Variants in TCAF1 observed in about 807,000 individuals in gnomAD.
The protein encoded by TCAF1 is TRPM8 channel-associated factor 1.
TCAF1 carries 4 observed loss-of-function variants against 27.3 expected under a neutral mutation model. The observed-to-expected ratio is 0.15, with a 90% CI of 0.07 to 0.34. TCAF1 has a LOEUF of 0.34. TCAF1 is among the 10% of genes least tolerant of loss of function. The pLI is 1.00. For missense variants in TCAF1, 257 were observed against 425.8 expected, an observed-to-expected ratio of 0.60 and a Z score of 3.49; for synonymous variants, 105 against 167.1, an observed-to-expected ratio of 0.63 and a Z score of 2.87.
chr7:143,885,239 T>C (rs1033322988), intron 1 of TCAF1: 38 of 985,558 alleles, frequency 3.9e-5, no homozygotes, highest in Non-Finnish European at 4.5e-5. Context: ...CACACCAGGC[T>C]ACTTTGGAGT....
chr7:143,886,712 T>TG (rs1394965604), intron 1 of TCAF1, among the ~76,000 whole-genome samples: 16 of 146,162 alleles, frequency 1.1e-4, no homozygotes, highest in Non-Finnish European at 2.3e-4. Flanking sequence ...TTTTTTTTTT[T>TG]TTTTTTTTTT....
At chr7:143,892,367 T>C (rs1813675090) in intron 1 of TCAF1, among the ~76,000 whole-genome samples, 1 of 151,986 alleles carries the variant, frequency 6.6e-6, no homozygotes, top group African/African-American at 2.4e-5. Context: ...TGAACTGTAA[T>C]ATCTAAAGTA....
chr7:143,886,866 A>ATTT (rs56317170), intron 1 of TCAF1, among the ~76,000 whole-genome samples: 4 of 114,894 alleles, frequency 3.5e-5, no homozygotes, highest in Non-Finnish European at 7.4e-5. Flanking sequence ...GAGTTTTTGT[A>ATTT]TTTTTTTTTT....
chr7:143,886,518 G>A, intron 1 of TCAF1: 1 of 985,032 alleles, frequency 1.0e-6, no homozygotes, highest in Non-Finnish European at 1.2e-6. Context: ...TCACAAACAG[G>A]TGCTCTGTAA....
At chr7:143,884,691 G>A (rs949552018) in intron 1 of TCAF1, among the ~76,000 whole-genome samples, 1 of 149,492 alleles carries the variant, frequency 6.7e-6, no homozygotes, top group Non-Finnish European at 1.5e-5. Flanking sequence ...TCTCAGGATG[G>A]GGGCATGAGA....
At chr7:143,879,117 T>C (rs1368463397) in intron 1 of TCAF1, among the ~76,000 whole-genome samples, 3 of 152,146 alleles carry the variant, frequency 2.0e-5, no homozygotes, top group Non-Finnish European at 2.9e-5. Context: ...ACATGCCCTG[T>C]TTTCATTTTA....
intron 1 of TCAF1, among the ~76,000 whole-genome samples, chr7:143,896,599 A>G (rs779236995): frequency 2.9e-4 from 44 of 152,228 alleles, no homozygotes; most frequent in Non-Finnish European, 5.3e-4. Flanking sequence ...GCACTATGCA[A>G]TCTCTGACTA....
At chr7:143,886,414 AT>A in intron 1 of TCAF1, 1 of 731,600 alleles carries the variant, frequency 1.4e-6, no homozygotes, top group Non-Finnish European at 1.7e-6. Context: ...ACGACATCCC[AT>A]ATAAATTAAG....
intron 1 of TCAF1, among the ~76,000 whole-genome samples, chr7:143,887,624 T>C (rs1245224422): frequency 6.6e-6 from 1 of 152,182 alleles, no homozygotes; most frequent in Non-Finnish European, 1.5e-5. Context: ...CCATCCAAGG[T>C]AGTCTAAAAC....
chr7:143,897,259 A>G (rs950347593), intron 1 of TCAF1, among the ~76,000 whole-genome samples: 5 of 148,566 alleles, frequency 3.4e-5, no homozygotes, highest in Non-Finnish European at 6.0e-5. Flanking sequence ...GCCACCCCCA[A>G]AGACAGCAAC....
chr7:143,859,862 T>TACATATATATATATATATATATAC (rs377600497), intron 6 of TCAF1, among the ~76,000 whole-genome samples: 2 of 64,720 alleles, frequency 3.1e-5, no homozygotes, highest in African/African-American at 7.2e-5. Context: ...CTGTTTTATA[T>TACATATATATATATATATATATAC]ACACATATAC....
Position 143,876,010 on chromosome 7 carries a change from G to A in TCAF1, c.599C>T (p.Pro200Leu). 1 of 1,559,478 alleles carries A rather than the reference G, an allele frequency of 6.4e-7. No individual in the cohort carries two copies. The change falls in exon 2 of 9, where the codon CCC (proline) becomes CTC (leucine). Residue 200 changes from proline to leucine, a missense_variant. This residue lies in a region of TCAF1 where 255 missense variants were observed against 260.1 expected (regional missense o/e 0.98). Transcript: ENST00000479870. ...TSFFKVSKKMPKIPVLVSCED... is the reference protein window; with the variant it reads ...TSFFKVSKKMLKIPVLVSCED... ...TCACCTAACCAACACTGGGATCTTG[G>A]GCATCTTCTTGGAGACTTTAAAGAA...
chr7:143,883,984 T>C (rs980456797), intron 1 of TCAF1, among the ~76,000 whole-genome samples: 2 of 152,128 alleles, frequency 1.3e-5, no homozygotes, highest in Admixed American at 6.5e-5. Context: ...ACGGTGTGAC[T>C]TTGGGGAAGT....
chr7:143,876,324 GT>G lies in TCAF1; in HGVS notation c.284del (p.His95ProfsTer24). ...CSSPGAPIGV[H>X]PSLAPLAKIL... ...TTTTGGCCAAAGGTGCCAGGGATGG[GT>G]GTACACCAATGGGAGCCCCAGGGGA... On this transcript the variant is annotated frameshift_variant, in exon 2 of 9. Transcript: ENST00000479870. LOFTEE classifies it high-confidence loss of function. The G allele has an allele frequency of 6.2e-7, 1 of 1,614,206 alleles. No individual in the cohort carries two copies. Among genetic ancestry groups the G allele is most frequent in the Non-Finnish European group, 8.5e-7 (1 of 1,180,050 alleles).
intron 1 of TCAF1, among the ~76,000 whole-genome samples, chr7:143,901,721 C>T (rs916735188): frequency 1.3e-5 from 2 of 152,196 alleles, no homozygotes; most frequent in African/African-American, 2.4e-5. Flanking sequence ...AAAAACAAAT[C>T]CTACGAAAAT....
intron 1 of TCAF1, among the ~76,000 whole-genome samples, chr7:143,881,671 T>C (rs1263168137): frequency 2.6e-5 from 4 of 152,148 alleles, no homozygotes; most frequent in Non-Finnish European, 5.9e-5. Flanking sequence ...TTTACCACCA[T>C]CTTTGAAGCC....
At chr7:143,860,012 A>AAT (rs1563212104) in intron 6 of TCAF1, among the ~76,000 whole-genome samples, 196 bp downstream of exon 6, 2 of 14,840 alleles carry the variant, frequency 1.3e-4, no homozygotes, top group Non-Finnish European at 3.2e-4. Context: ...ATATATATAT[A>AAT]ATATATATTA....
chr7:143,880,821 T>C (rs1284237916), intron 1 of TCAF1, among the ~76,000 whole-genome samples: 1 of 152,206 alleles, frequency 6.6e-6, no homozygotes, highest in African/African-American at 2.4e-5. Context: ...ATCACTTGAC[T>C]TTTGAACCAA....
intron 2 of TCAF1, among the ~76,000 whole-genome samples, chr7:143,875,312 T>C (rs2116768482): frequency 6.6e-6 from 1 of 152,340 alleles, no homozygotes; most frequent in South Asian, 2.1e-4. Context: ...AGATGTTTAC[T>C]GAGCACCTAC....
Sources: allele counts gnomAD v4.1 joint callset (sites outside exome capture counted in the v4.1 genomes callset), GRCh38; gene constraint gnomAD v4.1.1; regional missense constraint gnomAD v4.1.1; transcripts MANE v1.5; gene names NCBI Gene and HGNC (gene_info 2026-07-23, HGNC 2026-07-21).